CAMSAP1: variants seen among roughly 807,000 people sequenced by gnomAD.
CAMSAP1 encodes the protein calmodulin regulated spectrin associated protein 1.
CAMSAP1 carries 58 observed loss-of-function variants against 143.5 expected under a neutral mutation model. The ratio of observed to expected loss-of-function variants is 0.40; its 90% CI spans 0.33 to 0.50. CAMSAP1 has a LOEUF of 0.50. Ranked by LOEUF, CAMSAP1 falls within the 20% of genes least tolerant of loss-of-function variation. CAMSAP1 has a pLI of 0.45. For missense variants in CAMSAP1, 1,969 were observed against 2,115.7 expected, an observed-to-expected ratio of 0.93 and a Z score of 1.36; for synonymous variants, 945 against 859.3, an observed-to-expected ratio of 1.10 and a Z score of -1.74.
At chr9:135,814,972 A>C (rs1406552552) in intron 16 of CAMSAP1, 125 bp downstream of exon 16, 4 of 733,944 alleles carry the variant, frequency 5.5e-6, no homozygotes, top group Non-Finnish European at 9.0e-6. Flanking sequence ...TCTTCCTTGA[A>C]ATCTGCATTC....
intron 7 of CAMSAP1, among the ~76,000 whole-genome samples, chr9:135,849,042 C>T (rs551848280): frequency 6.6e-6 from 1 of 152,372 alleles, no homozygotes; most frequent in South Asian, 2.1e-4. Flanking sequence ...AGGATATATA[C>T]CCGCACAGAT....
intron 3 of CAMSAP1, among the ~76,000 whole-genome samples, chr9:135,874,482 G>GA (rs1301063097): frequency 6.7e-6 from 1 of 150,316 alleles, no homozygotes; most frequent in Non-Finnish European, 1.5e-5. Flanking sequence ...CAAAAAAGGG[G>GA]GGGGGGGGCC....
rs756088507 is a variant in CAMSAP1 at position 135,823,934 on chromosome 9, T to C, written c.1400+16A>G. The C allele has an allele frequency of 6.4e-7, 1 of 1,562,326 alleles. No individual in the cohort carries two copies. The highest frequency in any genetic ancestry group is 8.7e-7 in the Non-Finnish European group (1 of 1,151,112). On this transcript the variant is annotated intron_variant, in intron 10 of 16. Transcript: ENST00000389532. Reference sequence around the variant, plus strand: ...AAAACATTCCAAACAGAAACACTGCTGAAACACAGACTCACCTGGTTTTTT... The same window carrying C: ...AAAACATTCCAAACAGAAACACTGCCGAAACACAGACTCACCTGGTTTTTT...
chr9:135,856,283 G>A (rs578031244), intron 5 of CAMSAP1, among the ~76,000 whole-genome samples: 2 of 152,212 alleles, frequency 1.3e-5, no homozygotes, highest in Admixed American at 6.5e-5. Flanking sequence ...ACATGACGGC[G>A]GCAAGAGAGA....
At chr9:135,856,118 A>C (rs1191880189) in intron 5 of CAMSAP1, among the ~76,000 whole-genome samples, 2 of 152,164 alleles carry the variant, frequency 1.3e-5, no homozygotes, top group Non-Finnish European at 2.9e-5. Context: ...AGCTTAAGAG[A>C]ACTAGGTCTC....
At chr9:135,815,779 T>C (rs1835207969) in intron 15 of CAMSAP1, 111 bp downstream of exon 15, 5 of 887,436 alleles carry the variant, frequency 5.6e-6, no homozygotes, top group Non-Finnish European at 8.6e-6. Flanking sequence ...ATCAAACATC[T>C]TTGTTAGAAA....
At position 135,823,166 on chromosome 9, in the gene CAMSAP1, T is replaced by C. The variant is rs748485057; in HGVS notation, c.1495A>G (p.Ile499Val). The C allele has an allele frequency of 1.3e-5, 21 of 1,610,868 alleles. No homozygotes were observed. The South Asian group carries it at 2.2e-4, about 17-fold the overall frequency. ...TTGGATGCCAAACTGTCTTTGCTGATGGAGCGGGCCAAGCTGATGCTGTCG... is the reference window on the plus strand; with the variant it reads ...TTGGATGCCAAACTGTCTTTGCTGACGGAGCGGGCCAAGCTGATGCTGTCG... ...SGDSISLARS[I>V]SKDSLASNIV... Residue 499 changes from isoleucine to valine, a missense_variant, in exon 11 of 17, where the codon ATC becomes GTC. Ile to Val is a conservative substitution (Grantham distance 29, BLOSUM62 3). Coordinates refer to ENST00000389532, the MANE Select transcript of CAMSAP1 (RefSeq NM_015447.4).
chr9:135,823,278 C>G lies in CAMSAP1; in HGVS notation c.1401-18G>C, dbSNP rs771953525. 6 of 1,533,798 alleles carry G rather than the reference C, an allele frequency of 3.9e-6. No individual in the cohort carries two copies. The Admixed American group carries it at 1.2e-4, about 32-fold the overall frequency. ...ACGCAGGCCTGAAACACAGGGAAGGCCCACTGGGTGCGCTGCGGTATACAC... is the reference window on the plus strand; with the variant it reads ...ACGCAGGCCTGAAACACAGGGAAGGGCCACTGGGTGCGCTGCGGTATACAC... On this transcript the variant is annotated intron_variant, in intron 10 of 16. Transcript: ENST00000389532.
At chr9:135,829,305 T>C (rs568052766) in intron 7 of CAMSAP1, among the ~76,000 whole-genome samples, 39 of 148,006 alleles carry the variant, frequency 2.6e-4, no homozygotes, top group Non-Finnish European at 5.1e-4. Flanking sequence ...AGTTCTAGAC[T>C]AGCCTGGGCA....
intron 1 of CAMSAP1, among the ~76,000 whole-genome samples, chr9:135,887,126 G>A (rs1838148579): frequency 6.6e-6 from 1 of 152,194 alleles, no homozygotes; most frequent in African/African-American, 2.4e-5. Flanking sequence ...CATCCAGTGA[G>A]AGCCGGGCGC....
intron 3 of CAMSAP1, among the ~76,000 whole-genome samples, chr9:135,868,452 T>C (rs992810407): frequency 5.3e-4 from 80 of 151,926 alleles, no homozygotes; most frequent in Non-Finnish European, 1.0e-3. Flanking sequence ...TGTTTTTTGT[T>C]TTTTTTTAAA....
chr9:135,884,079 T>C (rs1474039431), intron 1 of CAMSAP1, among the ~76,000 whole-genome samples: 1 of 152,070 alleles, frequency 6.6e-6, no homozygotes, highest in Non-Finnish European at 1.5e-5. Flanking sequence ...GTCAGACACA[T>C]TTCGGAAACA....
chr9:135,823,481 T>C (rs556668689), intron 10 of CAMSAP1, among the ~76,000 whole-genome samples: 49 of 152,366 alleles, frequency 3.2e-4, no homozygotes, highest in Non-Finnish European at 4.3e-4. Context: ...CCTTCAAAAT[T>C]ACTGAGGACC....
chr9:135,847,385 T>C (rs1456113096), intron 7 of CAMSAP1, among the ~76,000 whole-genome samples: 1 of 151,618 alleles, frequency 6.6e-6, no homozygotes, highest in African/African-American at 2.4e-5. Flanking sequence ...AAAAAGTAAA[T>C]CATCCTACTA....
intron 7 of CAMSAP1, among the ~76,000 whole-genome samples, chr9:135,849,024 A>G (rs559303966): frequency 6.6e-6 from 1 of 152,382 alleles, no homozygotes; most frequent in South Asian, 2.1e-4. Context: ...TGCCACAAAT[A>G]TATCTGGAGG....
intron 1 of CAMSAP1, among the ~76,000 whole-genome samples, chr9:135,902,543 G>C (rs954750322): frequency 6.6e-6 from 1 of 152,194 alleles, no homozygotes; most frequent in Non-Finnish European, 1.5e-5. Context: ...TCACTACAAG[G>C]AAACAATATG....
chr9:135,815,120 G>T lies in CAMSAP1; in HGVS notation c.4483C>A (p.Pro1495Thr). The T allele has an allele frequency of 6.2e-7, 1 of 1,613,110 alleles. No individual in the cohort carries two copies. The highest frequency in any genetic ancestry group is 1.1e-5 in the South Asian group (1 of 90,990). ...GCCTCCAATATGGAATTCTTGTGGG[G>T]TTCGTTCACTTTTCCAGCCAGGCAG... ...HCCLAGKVNE[P>T]HKNSILEELE... The change falls in exon 16 of 17, where the codon CCC (proline) becomes ACC (threonine). Residue 1495 changes from proline to threonine, a missense_variant. Transcript: ENST00000389532.
chr9:135,907,185 G>A lies in CAMSAP1; in HGVS notation c.-26C>T, dbSNP rs923443452. 5.2e-5 allele frequency: 56 copies of A among 1,069,254 alleles called. No homozygotes were observed. Among genetic ancestry groups the A allele is most frequent in the African/African-American group, 1.5e-4 (9 of 58,564 alleles). The allele number at this position is 1,069,254 out of a possible 1,614,324, so 66.2% of individuals were successfully genotyped here. On this transcript the variant is annotated 5_prime_UTR_variant, in exon 1 of 17. Coordinates refer to ENST00000389532, the MANE Select transcript of CAMSAP1 (RefSeq NM_015447.4). ...CTGCAGACAAAGGGCTGAGGCGGCG[G>A]CCCGGCCGCAACAAAGGCGCCGCCG...
chr9:135,811,653 G>T lies in CAMSAP1; in HGVS notation c.4507-42C>A. On this transcript the variant is annotated intron_variant, in intron 16 of 16. Coordinates refer to ENST00000389532, the MANE Select transcript of CAMSAP1 (RefSeq NM_015447.4). The surrounding 1 kb of genome is among the most constrained non-coding windows in gnomAD (Gnocchi z 4.9). ...AAGGGGAAGAGACAAACACTTCAGG[G>T]CCACTCCAATTGCCACGAGTTGGGC... is the stretch of plus-strand genomic sequence containing the variant. The T allele has an allele frequency of 6.5e-7, 1 of 1,538,784 alleles. No individual in the cohort carries two copies. The highest frequency in any genetic ancestry group is 8.8e-7 in the Non-Finnish European group (1 of 1,137,438).
Sources: allele counts gnomAD v4.1 joint callset (sites outside exome capture counted in the v4.1 genomes callset), GRCh38; gene constraint gnomAD v4.1.1; non-coding constraint Gnocchi (gnomAD v3.1); transcripts MANE v1.5; gene names NCBI Gene and HGNC (gene_info 2026-07-23, HGNC 2026-07-21).